The following COL5A2 variants were observed in gnomAD, a reference collection of about 807,000 sequenced individuals.
The protein encoded by COL5A2 is collagen type V alpha 2 chain.
A neutral mutation model predicts 208.2 loss-of-function variants in COL5A2; 23 were observed. The observed-to-expected ratio is 0.11, with a 90% CI of 0.08 to 0.16. COL5A2 has a LOEUF of 0.16. Among genes scored for constraint, COL5A2 ranks in the 10% least tolerant of loss-of-function variants. The pLI is 1.00. For synonymous variants in COL5A2, 625 were observed against 628.5 expected (o/e 0.99, Z 0.08); for missense variants, 1,590 against 1,956.4 (o/e 0.81, Z 3.53).
At chr2:189,419,111 C>T in the COL5A2 span, among the ~76,000 whole-genome samples, 1 of 152,150 alleles carries the variant, frequency 6.6e-6, no homozygotes, top group African/African-American at 2.4e-5. Context: ...CATCTTCATG[C>T]TCTTTAAATG....
At chr2:189,098,689 A>T (rs1405527778) in intron 5 of COL5A2, 38 bp downstream of exon 5, 2 of 1,521,130 alleles carry the variant, frequency 1.3e-6, no homozygotes, top group South Asian at 1.1e-5. Flanking sequence ...ATCTCAAGGA[A>T]TACAAGAGTA....
intron 1 of COL5A2, among the ~76,000 whole-genome samples, chr2:189,207,845 C>T (rs1689160157): frequency 6.6e-6 from 1 of 152,134 alleles, no homozygotes; most frequent in African/African-American, 2.4e-5. Flanking sequence ...TGTTGCTAAT[C>T]CATCCTTTTG....
intron 1 of COL5A2, among the ~76,000 whole-genome samples, chr2:189,205,038 G>A (rs938000976): frequency 1.2e-4 from 18 of 152,254 alleles, no homozygotes; most frequent in Admixed American, 2.6e-4. Context: ...TAACAACAGT[G>A]ACACTTGATC....
At chr2:189,290,893 T>A in the COL5A2 span, among the ~76,000 whole-genome samples, 1 of 152,072 alleles carries the variant, frequency 6.6e-6, no homozygotes, top group Non-Finnish European at 1.5e-5. Flanking sequence ...CTTGATGAAT[T>A]AAGAAGGCTA....
upstream of COL5A2, among the ~76,000 whole-genome samples, chr2:189,182,587 C>T (rs971232577): frequency 1.6e-4 from 24 of 152,210 alleles, no homozygotes; most frequent in Middle Eastern, 3.4e-3. Flanking sequence ...CAAAAATCAC[C>T]CTTCAGCTAC....
chr2:189,320,878 G>C, the COL5A2 span, among the ~76,000 whole-genome samples: 11 of 152,142 alleles, frequency 7.2e-5, no homozygotes, highest in African/African-American at 2.7e-4. Context: ...ATTCACCAAA[G>C]TTGAAATGAA....
the COL5A2 span, among the ~76,000 whole-genome samples, chr2:189,416,455 G>T: frequency 1.3e-5 from 2 of 152,098 alleles, no homozygotes; most frequent in South Asian, 2.1e-4. Flanking sequence ...GCAAACTATC[G>T]CAAGGACAAA....
intron 1 of COL5A2, among the ~76,000 whole-genome samples, chr2:189,160,417 C>T (rs968154744): frequency 1.3e-5 from 2 of 152,092 alleles, no homozygotes; most frequent in East Asian, 3.8e-4. Context: ...TTTATCCCCC[C>T]TTTTTTTCTA....
At chr2:189,092,945 T>G (rs941014860) in intron 6 of COL5A2, among the ~76,000 whole-genome samples, 2 of 152,196 alleles carry the variant, frequency 1.3e-5, no homozygotes, top group Non-Finnish European at 2.9e-5. Context: ...TGGTACATAC[T>G]AGACACTCAA....
At chr2:189,273,600 G>C in the COL5A2 span, among the ~76,000 whole-genome samples, 2 of 152,048 alleles carry the variant, frequency 1.3e-5, no homozygotes, top group African/African-American at 4.8e-5. Context: ...ATCAGCCTAA[G>C]TGTCCATCAA....
chr2:189,140,055 A>G (rs1687906546), intron 1 of COL5A2, among the ~76,000 whole-genome samples: 1 of 152,094 alleles, frequency 6.6e-6, no homozygotes, highest in African/African-American at 2.4e-5. Flanking sequence ...TCTGGGCGAC[A>G]CAGAGAGACT....
intron 1 of COL5A2, among the ~76,000 whole-genome samples, chr2:189,199,560 G>T (rs1020332596): frequency 7.2e-5 from 11 of 152,184 alleles, no homozygotes; most frequent in Non-Finnish European, 1.5e-5. Context: ...AAGGGACATA[G>T]AGGGGTGGTG....
the COL5A2 span, among the ~76,000 whole-genome samples, chr2:189,321,632 T>A: frequency 3.9e-5 from 6 of 152,276 alleles, no homozygotes; most frequent in South Asian, 1.2e-3. Context: ...TAAATATATA[T>A]GCACCCAATA....
At chr2:189,211,171 A>G (rs1354953408) in intron 1 of COL5A2, among the ~76,000 whole-genome samples, 4 of 152,212 alleles carry the variant, frequency 2.6e-5, no homozygotes, top group Non-Finnish European at 5.9e-5. Flanking sequence ...TTTGTTTAAC[A>G]GGCCAGAGCA....
intron 47 of COL5A2, among the ~76,000 whole-genome samples, chr2:189,043,816 A>G (rs1474702009): frequency 6.6e-6 from 1 of 152,242 alleles, no homozygotes; most frequent in Non-Finnish European, 1.5e-5. Flanking sequence ...CCTCTAAAGA[A>G]CAAAGCAACT....
At chr2:189,104,323 T>G (rs1687109034) in intron 2 of COL5A2, 46 bp from the exon 3 acceptor site, 1 of 1,273,594 alleles carries the variant, frequency 7.9e-7, no homozygotes, top group Non-Finnish European at 1.1e-6. Flanking sequence ...AGGAAACAAT[T>G]ATTGAGAATC....
intron 31 of COL5A2, 69 bp downstream of exon 31, chr2:189,060,661 T>C: frequency 7.7e-7 from 1 of 1,300,356 alleles, no homozygotes; most frequent in South Asian, 1.2e-5. Flanking sequence ...CAACAGAGCC[T>C]CACACATAAA....
chr2:189,157,870 T>C (rs1330709704), intron 1 of COL5A2, among the ~76,000 whole-genome samples: 5 of 152,040 alleles, frequency 3.3e-5, no homozygotes, highest in Non-Finnish European at 7.4e-5. Context: ...ACATATATTA[T>C]TTGTTCTTGA....
At chr2:189,322,394 CTT>C in the COL5A2 span, among the ~76,000 whole-genome samples, 4 of 151,866 alleles carry the variant, frequency 2.6e-5, no homozygotes, top group Non-Finnish European at 4.4e-5. Flanking sequence ...CAGGAGCTGA[CTT>C]TTTGAAAAAA....
Sources: allele counts gnomAD v4.1 joint callset (sites outside exome capture counted in the v4.1 genomes callset), GRCh38; gene constraint gnomAD v4.1.1; transcripts MANE v1.5; gene names NCBI Gene and HGNC (gene_info 2026-07-23, HGNC 2026-07-21).